The following RCC1L variants were observed in gnomAD, a reference collection of about 807,000 sequenced individuals.
The protein encoded by RCC1L is RCC1-like G exchanging factor-like protein.
A neutral mutation model predicts 58.6 loss-of-function variants in RCC1L; 46 were observed. That is an observed-to-expected ratio of 0.79 (90% CI 0.62 to 1.00). RCC1L has a LOEUF of 1.00. Ranked by LOEUF, RCC1L falls within the 50% of genes least tolerant of loss-of-function variation. The pLI is 0.00. For missense variants in RCC1L, 636 were observed against 623.6 expected (o/e 1.02, Z -0.21); for synonymous variants, 281 against 262.9 (o/e 1.07, Z -0.67).
intron 5 of RCC1L, 131 bp downstream of exon 5, chr7:75,063,161 G>T (rs1584501001): frequency 9.8e-7 from 1 of 1,015,482 alleles, no homozygotes; most frequent in Non-Finnish European, 1.5e-6. Flanking sequence ...TAGTAAGTAG[G>T]CTACAATTTT....
At chr7:75,029,192 C>T (rs928078160) in intron 10 of RCC1L, among the ~76,000 whole-genome samples, 2 of 152,130 alleles carry the variant, frequency 1.3e-5, no homozygotes, top group South Asian at 4.1e-4. Context: ...TCCCACTGGC[C>T]CCCTCCTCCT....
rs1805183727 is a variant in RCC1L at position 75,027,930 on chromosome 7, A to G, written c.*102T>C. ...GTCTGCTGGGTGGGAGGGTCTCTCC[A>G]GGCCCCAGACCCCACTTGGAGGGGC... On this transcript the variant is annotated 3_prime_UTR_variant, in exon 11 of 11. Coordinates refer to the RCC1L transcript ENST00000614461. 3.1e-6 allele frequency: 4 copies of G among 1,296,284 alleles called. No individual in the cohort carries two copies. In the African/African-American group the frequency reaches 4.4e-5, roughly 14 times the overall value. 80.3% of individuals were successfully genotyped at this position (1,296,284 alleles called of 1,614,324 possible).
At chr7:75,040,242 TGGA>T (rs1805522694), downstream of RCC1L, among the ~76,000 whole-genome samples, 1 of 152,108 alleles carries the variant, frequency 6.6e-6, no homozygotes, top group Non-Finnish European at 1.5e-5. Flanking sequence ...GGCGGATCTC[TGGA>T]GGTCAGGAGT....
intron 2 of RCC1L, among the ~76,000 whole-genome samples, chr7:75,068,386 A>G (rs1806586005): frequency 1.3e-5 from 2 of 151,244 alleles, no homozygotes; most frequent in Non-Finnish European, 1.5e-5. Flanking sequence ...CTGACTTATA[A>G]AAGACATCTG....
At chr7:75,051,383 C>T (rs1327708018) in intron 10 of RCC1L, among the ~76,000 whole-genome samples, 1 of 150,760 alleles carries the variant, frequency 6.6e-6, no homozygotes, top group African/African-American at 2.4e-5. Flanking sequence ...TATATATACA[C>T]ACATATATAT....
intron 5 of RCC1L, among the ~76,000 whole-genome samples, chr7:75,062,450 G>A (rs1806305597): frequency 1.3e-5 from 2 of 152,160 alleles, no homozygotes; most frequent in Non-Finnish European, 2.9e-5. Context: ...CAAGGCTGCA[G>A]TGAGCTATGA....
At chr7:75,056,387 C>A in intron 8 of RCC1L, 1 of 915,232 alleles carries the variant, frequency 1.1e-6, no homozygotes, top group Non-Finnish European at 1.6e-6. Context: ...CCAGAAAACC[C>A]ATACGAATAC....
At chr7:75,056,120 A>C in intron 8 of RCC1L, 46 bp from the exon 9 acceptor site, 1 of 1,608,688 alleles carries the variant, frequency 6.2e-7, no homozygotes, top group Non-Finnish European at 8.5e-7. Flanking sequence ...TCCAAGTAAG[A>C]ACCTCCCTCA....
intron 2 of RCC1L, among the ~76,000 whole-genome samples, chr7:75,067,174 G>A (rs1185714552): frequency 1.3e-5 from 2 of 152,072 alleles, no homozygotes; most frequent in East Asian, 1.9e-4. Flanking sequence ...GGTGGCGGGC[G>A]CCTCTAATCC....
chr7:75,058,524 C>A lies in RCC1L; in HGVS notation c.969+64G>T, dbSNP rs946181563. 476 of 1,546,124 alleles carry A rather than the reference C, an allele frequency of 3.1e-4. 1 individual carries two copies. The East Asian group carries it at 9.1e-3, about 30-fold the overall frequency. On this transcript the variant is annotated intron_variant, in intron 7 of 10. Transcript: ENST00000610322. The stretch of plus-strand genomic sequence containing the variant: ...GGGATTACAGGTGTGAGCCACCACA[C>A]CCGGCCCCTTAACACTTTAATGTTT...
chr7:75,059,169 T>C (rs1256276436), intron 6 of RCC1L, among the ~76,000 whole-genome samples: 6 of 133,336 alleles, frequency 4.5e-5, no homozygotes, highest in Non-Finnish European at 7.8e-5. Flanking sequence ...ACTCCAGCCT[T>C]GGCAAGAATG....
intron 10 of RCC1L, among the ~76,000 whole-genome samples, chr7:75,050,253 G>A (rs1554443190): frequency 6.6e-6 from 1 of 152,094 alleles, no homozygotes; most frequent in Non-Finnish European, 1.5e-5. Flanking sequence ...CTGCACTCAA[G>A]CCTGGGCAAC....
intron 2 of RCC1L, among the ~76,000 whole-genome samples, chr7:75,067,506 G>A (rs917575558): frequency 6.6e-6 from 1 of 150,964 alleles, no homozygotes; most frequent in African/African-American, 2.4e-5. Context: ...GTGGACGCCT[G>A]TAGTCCCAGC....
intron 3 of RCC1L, chr7:75,064,853 G>A: frequency 1.6e-6 from 1 of 624,998 alleles, no homozygotes; most frequent in South Asian, 1.8e-5. Flanking sequence ...TTCCCCTCCT[G>A]GCCCTAGATC....
At position 75,073,461 on chromosome 7, in the gene RCC1L, G is replaced by GC. The variant is rs1806844015; in HGVS notation, c.276dup (p.Arg93AlafsTer32). 7.3e-7 allele frequency: 1 copy of GC among 1,373,166 alleles called. No homozygotes were observed. Among genetic ancestry groups the GC allele is most frequent in the Non-Finnish European group, 9.4e-7 (1 of 1,068,322 alleles). The allele number at this position is 1,373,166 out of a possible 1,614,324, so 85.1% of individuals were successfully genotyped here. On this transcript the variant is annotated frameshift_variant, in exon 1 of 11. Transcript: ENST00000610322. LOFTEE classifies it high-confidence loss of function. ...TAGGGCACGGGCTGGATCCTGCGGC[G>GC]CGGTCGGGCGCCGGCGCGGGGCCCG... is the stretch of plus-strand genomic sequence containing the variant.
At chr7:75,032,081 G>A (rs994783545) in intron 10 of RCC1L, among the ~76,000 whole-genome samples, 9 of 152,140 alleles carry the variant, frequency 5.9e-5, no homozygotes, top group Non-Finnish European at 1.0e-4. Context: ...GGTGTGATAC[G>A]GCCCAACTCT....
At chr7:75,047,203 G>A (rs1026639702) in intron 10 of RCC1L, among the ~76,000 whole-genome samples, 2 of 152,108 alleles carry the variant, frequency 1.3e-5, no homozygotes, top group Non-Finnish European at 2.9e-5. Context: ...TGATCCGCCC[G>A]CCTCGGCACC....
At chr7:75,037,744 C>G (rs1805459799), downstream of RCC1L, among the ~76,000 whole-genome samples, 1 of 147,578 alleles carries the variant, frequency 6.8e-6, no homozygotes, top group South Asian at 2.2e-4. Flanking sequence ...CTCCTGACCT[C>G]GTGATCAGCC....
At chr7:75,047,512 G>A (rs1326408198) in intron 10 of RCC1L, among the ~76,000 whole-genome samples, 7 of 152,050 alleles carry the variant, frequency 4.6e-5, no homozygotes, top group Non-Finnish European at 5.9e-5. Context: ...ATCCTTTCGC[G>A]TCAGCCTCTC....
Sources: gnomAD v4.1 joint callset for allele counts (sites outside exome capture counted in the v4.1 genomes callset) on GRCh38, gnomAD v4.1.1 for gene constraint, MANE v1.5 for transcripts, NCBI Gene and HGNC (gene_info 2026-07-23, HGNC 2026-07-21) for gene names.